Variants in PHACTR3 observed in about 807,000 individuals in gnomAD.
PHACTR3 encodes the protein protein phosphatase 1, regulatory subunit 123.
In PHACTR3, 16 loss-of-function variants were observed where a neutral mutation model predicts 66.8. That is an observed-to-expected ratio of 0.24 (90% CI 0.16 to 0.36). The LOEUF (loss-of-function observed/expected upper bound fraction) is 0.36. Among genes scored for constraint, PHACTR3 ranks in the 10% least tolerant of loss-of-function variants. The probability of loss-of-function intolerance (pLI) is 1.00; values close to 1 mark genes in which losing one functional copy is unlikely to be tolerated. For synonymous variants in PHACTR3, 323 were observed against 292.1 expected, an observed-to-expected ratio of 1.11 and a Z score of -1.08; for missense variants, 647 against 719.9, an observed-to-expected ratio of 0.90 and a Z score of 1.16.
chr20:59,844,784 G>A (rs1271163720), intron 11 of PHACTR3: 4 of 154,472 alleles, frequency 2.6e-5, no homozygotes, highest in African/African-American at 9.7e-5. Flanking sequence ...GGTCACTACA[G>A]TTAACAACTA....
At chr20:59,815,417 G>GTT (rs2041857638) in intron 8 of PHACTR3, among the ~76,000 whole-genome samples, 3 of 139,160 alleles carry the variant, frequency 2.2e-5, no homozygotes, top group Admixed American at 1.5e-4. Flanking sequence ...TTGGGGTTCT[G>GTT]GTTTTTTTTT....
At chr20:59,720,100 T>C (rs1009111641) in intron 1 of PHACTR3, among the ~76,000 whole-genome samples, 1 of 152,160 alleles carries the variant, frequency 6.6e-6, no homozygotes, top group Non-Finnish European at 1.5e-5. Flanking sequence ...TGGGCAGACC[T>C]AAAACGAGGA....
intron 1 of PHACTR3, among the ~76,000 whole-genome samples, chr20:59,584,792 G>A (rs531865111): frequency 6.6e-6 from 1 of 152,256 alleles, no homozygotes; most frequent in East Asian, 1.9e-4. Flanking sequence ...GCCCAGCAGC[G>A]AGACCTCGTC....
chr20:59,713,264 G>A (rs1487828869), intron 1 of PHACTR3, among the ~76,000 whole-genome samples: 2 of 152,152 alleles, frequency 1.3e-5, no homozygotes, highest in African/African-American at 4.8e-5. Flanking sequence ...GTCGATTCCT[G>A]GACATATCTG....
chr20:59,776,226 A>G (rs2040531396), intron 7 of PHACTR3, among the ~76,000 whole-genome samples: 1 of 150,440 alleles, frequency 6.6e-6, no homozygotes, highest in African/African-American at 2.4e-5. Flanking sequence ...AGGTTGTGAC[A>G]AGAAAGGTTT....
intron 2 of PHACTR3, among the ~76,000 whole-genome samples, chr20:59,745,374 C>T (rs6015568): frequency 1.3e-5 from 2 of 152,166 alleles, no homozygotes; most frequent in Admixed American, 6.5e-5. Context: ...GCTCTTTGGC[C>T]TACTCCAAGC....
intron 11 of PHACTR3, 55 bp downstream of exon 11, chr20:59,841,590 T>C: frequency 1.3e-6 from 2 of 1,554,796 alleles, no homozygotes; most frequent in Non-Finnish European, 1.7e-6. Context: ...AAAGGCAAAA[T>C]ATGTCATGCC....
rs114623329 is a variant in PHACTR3 at position 59,825,426 on chromosome 20, G to A, written c.1329-11079G>A. Among the ~76,000 whole-genome samples, 1,451 of 152,112 alleles carry A rather than the reference G, an allele frequency of 9.5e-3. 20 individuals carry two copies. The highest frequency in any genetic ancestry group is 0.033 in the African/African-American group (1,366 of 41,468). ...CAGTCACTTGTTCATTCATTCACTCGTTCATTCACTCATTCACTCATTCAT... is the reference window on the plus strand; with the variant it reads ...CAGTCACTTGTTCATTCATTCACTCATTCATTCACTCATTCACTCATTCAT... On this transcript the variant is annotated intron_variant, in intron 8 of 12. Coordinates refer to ENST00000371015, the MANE Select transcript of PHACTR3 (RefSeq NM_080672.5).
At chr20:59,582,271 T>G (rs1018074790) in intron 1 of PHACTR3, among the ~76,000 whole-genome samples, 3 of 152,160 alleles carry the variant, frequency 2.0e-5, no homozygotes, top group Non-Finnish European at 4.4e-5. Flanking sequence ...CAGTGTATCT[T>G]GGAGATTTAT....
intron 1 of PHACTR3, among the ~76,000 whole-genome samples, chr20:59,666,294 G>T (rs565919327): frequency 6.6e-6 from 1 of 152,184 alleles, no homozygotes; most frequent in Non-Finnish European, 1.5e-5. Context: ...GCAAGCCACG[G>T]CCCCACATGC....
intron 1 of PHACTR3, among the ~76,000 whole-genome samples, chr20:59,585,771 C>T (rs963793232): frequency 4.6e-5 from 7 of 152,216 alleles, no homozygotes; most frequent in South Asian, 2.1e-4. Flanking sequence ...GCCCTTGCGG[C>T]TCACAGGAGT....
At chr20:59,654,355 A>G (rs2035549521) in intron 1 of PHACTR3, among the ~76,000 whole-genome samples, 1 of 152,164 alleles carries the variant, frequency 6.6e-6, no homozygotes, top group Non-Finnish European at 1.5e-5. Context: ...AGAATGAGAA[A>G]ATTACCATTT....
At chr20:59,721,525 A>G (rs1285862235) in intron 1 of PHACTR3, 1 of 152,346 alleles carries the variant, frequency 6.6e-6, no homozygotes, top group East Asian at 1.9e-4. Context: ...TTTTGAAGGA[A>G]GAAAAGTGTA....
At chr20:59,735,527 A>G (rs1271610085) in intron 1 of PHACTR3, among the ~76,000 whole-genome samples, 1 of 152,098 alleles carries the variant, frequency 6.6e-6, no homozygotes, top group South Asian at 2.1e-4. Flanking sequence ...AAGTGGAAGG[A>G]TAAGATAAGA....
chr20:59,766,025 T>A (rs1425619151), intron 4 of PHACTR3, among the ~76,000 whole-genome samples: 1 of 152,194 alleles, frequency 6.6e-6, no homozygotes, highest in Non-Finnish European at 1.5e-5. Flanking sequence ...AGGGAGACCA[T>A]CTCTCTTGGA....
chr20:59,708,095 G>C (rs985244647), intron 1 of PHACTR3, among the ~76,000 whole-genome samples: 1 of 152,218 alleles, frequency 6.6e-6, no homozygotes, highest in African/African-American at 2.4e-5. Flanking sequence ...GAAATGTGAT[G>C]CTCTGATTTG....
intron 2 of PHACTR3, among the ~76,000 whole-genome samples, chr20:59,745,302 C>G (rs1047065497): frequency 2.6e-5 from 4 of 152,180 alleles, no homozygotes; most frequent in African/African-American, 9.7e-5. Flanking sequence ...CTGACATTCT[C>G]CAGGCCTGCT....
At chr20:59,776,107 A>G (rs1159795107) in intron 7 of PHACTR3, among the ~76,000 whole-genome samples, 1 of 152,170 alleles carries the variant, frequency 6.6e-6, no homozygotes, top group Non-Finnish European at 1.5e-5. Context: ...CCAGGACACA[A>G]TGCTTTCATT....
At position 59,830,091 on chromosome 20, in the gene PHACTR3, A is replaced by G. The variant is rs2042308228; in HGVS notation, c.1329-6414A>G. Among the ~76,000 whole-genome samples, 1 of 152,190 alleles carries G rather than the reference A, an allele frequency of 6.6e-6. No individual in the cohort carries two copies. Among genetic ancestry groups the G allele is most frequent in the South Asian group, 2.1e-4 (1 of 4,822 alleles). ...AGAAACTGGTACAAACTTGGCACTG[A>G]GACGGCGTCTGATGGGAGAAGAGGG... On this transcript the variant is annotated intron_variant, in intron 8 of 12. Coordinates refer to ENST00000371015, the MANE Select transcript of PHACTR3 (RefSeq NM_080672.5). This position sits in a 1 kb window ranked among gnomAD's most constrained non-coding sequence, Gnocchi z 5.8.
Sources: gnomAD v4.1 joint callset for allele counts (sites outside exome capture counted in the v4.1 genomes callset) on GRCh38, gnomAD v4.1.1 for gene constraint, Gnocchi (gnomAD v3.1) non-coding constraint, MANE v1.5 for transcripts, NCBI Gene and HGNC (gene_info 2026-07-23, HGNC 2026-07-21) for gene names.